DPP6: variants seen among roughly 807,000 people sequenced by gnomAD.
DPP6 encodes the protein dipeptidyl peptidase like 6.
Under a neutral mutation model 122.6 loss-of-function variants are expected in DPP6, and 69 were observed. The ratio of observed to expected loss-of-function variants is 0.56; its 90% CI spans 0.46 to 0.69. The LOEUF is 0.69. Ranked by LOEUF, DPP6 falls within the 30% of genes least tolerant of loss-of-function variation. The pLI is 0.00. For synonymous variants in DPP6, 418 were observed against 433.1 expected (o/e 0.97, Z 0.43); for missense variants, 928 against 1,116.9 (o/e 0.83, Z 2.41).
At chr7:154,375,274 G>T (rs1213514232) in intron 1 of DPP6, among the ~76,000 whole-genome samples, 1 of 152,034 alleles carries the variant, frequency 6.6e-6, no homozygotes, top group Non-Finnish European at 1.5e-5. Flanking sequence ...ACCCTTGAGT[G>T]GCTATATGCC....
At chr7:153,928,871 A>T (rs1237247412) in intron 1 of DPP6, among the ~76,000 whole-genome samples, 1 of 152,178 alleles carries the variant, frequency 6.6e-6, no homozygotes, top group Non-Finnish European at 1.5e-5. Flanking sequence ...AGCCAAGTGG[A>T]CAAGAGTCCA....
intron 4 of DPP6, among the ~76,000 whole-genome samples, chr7:154,550,563 G>C (rs960399257): frequency 6.6e-6 from 1 of 152,020 alleles, no homozygotes; most frequent in Non-Finnish European, 1.5e-5. Flanking sequence ...TGTTTATTAA[G>C]GGTTTACTTA....
At chr7:154,082,328 C>G (rs974009511) in intron 1 of DPP6, among the ~76,000 whole-genome samples, 6 of 152,118 alleles carry the variant, frequency 3.9e-5, no homozygotes, top group Non-Finnish European at 8.8e-5. Flanking sequence ...TTGTTATTCT[C>G]CATACATCCT....
intron 3 of DPP6, among the ~76,000 whole-genome samples, chr7:154,512,301 G>C (rs1028558703): frequency 1.3e-5 from 2 of 152,034 alleles, no homozygotes; most frequent in African/African-American, 2.4e-5. Context: ...TCTATTCCTG[G>C]TGAACCAAAG....
chr7:154,847,977 CTG>C (rs1305835697), intron 16 of DPP6, among the ~76,000 whole-genome samples: 1 of 152,204 alleles, frequency 6.6e-6, no homozygotes, highest in Non-Finnish European at 1.5e-5. Flanking sequence ...CCAGATTCAT[CTG>C]TGTTGTCACA....
intron 1 of DPP6, among the ~76,000 whole-genome samples, chr7:154,014,362 T>C (rs1258870236): frequency 6.9e-6 from 1 of 145,606 alleles, no homozygotes; most frequent in Non-Finnish European, 1.5e-5. Context: ...CTCGTTGTTC[T>C]GGTCAAAATA....
chr7:153,778,031 C>A, the DPP6 span, among the ~76,000 whole-genome samples: 2 of 148,088 alleles, frequency 1.4e-5, no homozygotes, highest in Non-Finnish European at 2.9e-5. Flanking sequence ...AAAAGCATTA[C>A]TTTGACTTGA....
intron 3 of DPP6, among the ~76,000 whole-genome samples, chr7:154,504,031 G>C (rs1825470802): frequency 6.6e-6 from 1 of 152,208 alleles, no homozygotes; most frequent in Non-Finnish European, 1.5e-5. Flanking sequence ...TTAGCTGAAT[G>C]ATCCCTGCTT....
At chr7:154,578,504 GGC>G (rs1831832934) in intron 5 of DPP6, among the ~76,000 whole-genome samples, 3 of 1,674 alleles carry the variant, frequency 1.8e-3, no homozygotes, top group African/African-American at 5.7e-3. Context: ...GGGCTATTCG[GGC>G]TTGGCAGGGG....
chr7:154,166,312 G>A (rs1585533000), intron 1 of DPP6, among the ~76,000 whole-genome samples: 1 of 152,162 alleles, frequency 6.6e-6, no homozygotes, highest in African/African-American at 2.4e-5. Context: ...GGAGGGCTGT[G>A]AAGGGTCATC....
chr7:154,735,398 G>A (rs1842527102), intron 8 of DPP6, among the ~76,000 whole-genome samples: 1 of 152,162 alleles, frequency 6.6e-6, no homozygotes, highest in Non-Finnish European at 1.5e-5. Flanking sequence ...TCTAAGGGAG[G>A]ATATGAAAGT....
chr7:154,053,806 T>C lies in DPP6; in HGVS notation c.243+743T>C, dbSNP rs908347752. Reference sequence around the variant, plus strand: ...ACTTCTCCGAGAGCACATTTCCTACTCTTCATGGGGGCTGGAAGCCTGGGT... The same window carrying C: ...ACTTCTCCGAGAGCACATTTCCTACCCTTCATGGGGGCTGGAAGCCTGGGT... On this transcript the variant is annotated intron_variant, in intron 1 of 25. Transcript: ENST00000377770. Among the ~76,000 whole-genome samples the C allele has an allele frequency of 4.0e-5, 6 of 148,594 alleles. 1 individual carries two copies. In the Admixed American group the frequency reaches 4.0e-4, roughly 10 times the overall value.
chr7:154,793,969 G>A, intron 10 of DPP6, 110 bp from the exon 11 acceptor site: 1 of 1,466,766 alleles, frequency 6.8e-7, no homozygotes, highest in Non-Finnish European at 9.1e-7. Flanking sequence ...GTCACCACTG[G>A]CTCCGGCCCC....
chr7:154,142,235 C>G (rs1795882363), intron 1 of DPP6, among the ~76,000 whole-genome samples: 1 of 150,920 alleles, frequency 6.6e-6, no homozygotes, highest in African/African-American at 2.4e-5. Flanking sequence ...TATAAATGGG[C>G]AAATATTTGA....
chr7:154,586,500 G>T (rs546333388), intron 5 of DPP6, among the ~76,000 whole-genome samples: 13 of 152,212 alleles, frequency 8.5e-5, no homozygotes, highest in African/African-American at 3.1e-4. Context: ...TCTTGCAAGA[G>T]GAATACAGAG....
rs180688129 is a variant in DPP6, at chr7:154,782,649, A to G, written c.1136+9707A>G. Among the ~76,000 whole-genome samples, 245 of 152,252 alleles carry G rather than the reference A, an allele frequency of 1.6e-3. 3 individuals carry two copies. Among genetic ancestry groups the G allele is most frequent in the African/African-American group, 5.5e-3 (230 of 41,536 alleles). On this transcript the variant is annotated intron_variant, in intron 10 of 25. Transcript: ENST00000377770. ...GACAGAGGATCGCTCGTCTCCAATC[A>G]GTAGTTCTCCACTCGAGCTGGCACT...
chr7:153,802,024 T>C, the DPP6 span, among the ~76,000 whole-genome samples: 12 of 152,148 alleles, frequency 7.9e-5, no homozygotes, highest in Non-Finnish European at 7.3e-5. Context: ...AAATGAAAAG[T>C]GTAAGTGACT....
intron 16 of DPP6, among the ~76,000 whole-genome samples, chr7:154,826,213 A>G (rs1359863182): frequency 6.6e-6 from 1 of 152,248 alleles, no homozygotes; most frequent in Admixed American, 6.5e-5. Context: ...TTTTATGGAC[A>G]CAAAATATGT....
chr7:154,028,926 C>T (rs1397193386), intron 1 of DPP6, among the ~76,000 whole-genome samples: 2 of 151,708 alleles, frequency 1.3e-5, no homozygotes, highest in Non-Finnish European at 2.9e-5. Context: ...TTATGGGAGG[C>T]CCTTTTCTTC....
Sources: gnomAD v4.1 joint callset for allele counts (sites outside exome capture counted in the v4.1 genomes callset) on GRCh38, gnomAD v4.1.1 for gene constraint, MANE v1.5 for transcripts, NCBI Gene and HGNC (gene_info 2026-07-23, HGNC 2026-07-21) for gene names.